Variants in CHST11 observed in about 807,000 individuals in gnomAD.
The protein encoded by CHST11 is C4S-1.
CHST11 carries 9 observed loss-of-function variants against 30.4 expected under a neutral mutation model. That is an observed-to-expected ratio of 0.30 (90% CI 0.18 to 0.52). The LOEUF (loss-of-function observed/expected upper bound fraction) is 0.52, where lower values mean the gene tolerates loss of function less well. Among genes scored for constraint, CHST11 ranks in the 20% least tolerant of loss-of-function variants. The pLI is 0.97. For synonymous variants in CHST11, 152 were observed against 187.8 expected, an observed-to-expected ratio of 0.81 and a Z score of 1.56; for missense variants, 348 against 460.6, an observed-to-expected ratio of 0.76 and a Z score of 2.24.
intron 2 of CHST11, among the ~76,000 whole-genome samples, chr12:104,749,783 G>A (rs531975497): frequency 6.6e-6 from 1 of 152,316 alleles, no homozygotes; most frequent in African/African-American, 2.4e-5. Context: ...GAGCCAGGCT[G>A]TCATCAGAAA....
chr12:104,505,876 TGGG>T (rs974372250), intron 1 of CHST11, among the ~76,000 whole-genome samples: 5 of 152,130 alleles, frequency 3.3e-5, no homozygotes, highest in African/African-American at 1.2e-4. Context: ...TAAGATGAGG[TGGG>T]AGGTGATTGA....
chr12:104,705,241 G>A (rs1272770263), intron 2 of CHST11, among the ~76,000 whole-genome samples: 1 of 152,126 alleles, frequency 6.6e-6, no homozygotes, highest in Non-Finnish European at 1.5e-5. Flanking sequence ...GTCATGGCCT[G>A]GAGGGTTTGG....
At chr12:104,669,589 TC>T (rs2039672273) in intron 2 of CHST11, among the ~76,000 whole-genome samples, 1 of 152,132 alleles carries the variant, frequency 6.6e-6, no homozygotes, top group African/African-American at 2.4e-5. Flanking sequence ...TGTAGAGTGC[TC>T]CCCCTTTCTG....
At chr12:104,596,785 T>C (rs1025442595) in intron 1 of CHST11, among the ~76,000 whole-genome samples, 7 of 152,182 alleles carry the variant, frequency 4.6e-5, no homozygotes, top group African/African-American at 1.7e-4. Context: ...TACGTGGTAG[T>C]TTATTTTGTG....
chr12:104,748,595 G>A (rs780050665), intron 2 of CHST11, among the ~76,000 whole-genome samples: 1 of 137,134 alleles, frequency 7.3e-6, no homozygotes, highest in African/African-American at 2.9e-5. Flanking sequence ...GAGTGGAGTC[G>A]GGGGAGAGAT....
intron 1 of CHST11, among the ~76,000 whole-genome samples, chr12:104,479,402 G>GATTTTTATATTTTGTTTAT (rs2037596525): frequency 6.6e-6 from 1 of 152,132 alleles, no homozygotes; most frequent in Non-Finnish European, 1.5e-5. Context: ...TAAGGGCAGG[G>GATTTTTATATTTTGTTTAT]ATTTTTATAT....
chr12:104,738,037 G>A (rs1031824501), intron 2 of CHST11, among the ~76,000 whole-genome samples: 5 of 152,100 alleles, frequency 3.3e-5, no homozygotes, highest in Non-Finnish European at 7.4e-5. Flanking sequence ...CTTTGCTTTG[G>A]CTCAGAGAAT....
At chr12:104,734,305 A>G (rs1240973913) in intron 2 of CHST11, among the ~76,000 whole-genome samples, 2 of 152,234 alleles carry the variant, frequency 1.3e-5, no homozygotes, top group African/African-American at 4.8e-5. Context: ...CCCAAAATTC[A>G]TCAGAAAGAT....
intron 2 of CHST11, among the ~76,000 whole-genome samples, chr12:104,643,374 C>T (rs182771824): frequency 6.6e-5 from 10 of 152,252 alleles, no homozygotes; most frequent in Admixed American, 6.5e-4. Flanking sequence ...TGTTGCTCCT[C>T]ACCACCCATT....
At chr12:104,559,776 A>T (rs1282979311) in intron 1 of CHST11, among the ~76,000 whole-genome samples, 1 of 152,130 alleles carries the variant, frequency 6.6e-6, no homozygotes, top group Admixed American at 6.5e-5. Flanking sequence ...AAAATAAAAT[A>T]AACACATGCA....
At chr12:104,500,431 C>T (rs2037841745) in intron 1 of CHST11, among the ~76,000 whole-genome samples, 1 of 152,094 alleles carries the variant, frequency 6.6e-6, no homozygotes, top group Non-Finnish European at 1.5e-5. Context: ...ACAAAATGAA[C>T]CAAGGATACT....
Position 104,522,655 on chromosome 12 carries a change from C to T in CHST11, c.118+65126C>T, listed in dbSNP as rs138490698. Among the ~76,000 whole-genome samples the T allele has an allele frequency of 1.9e-3, 292 of 152,008 alleles. 1 individual carries two copies. Among genetic ancestry groups the T allele is most frequent in the African/African-American group, 6.5e-3 (268 of 41,458 alleles). ...TATTTTTTTTCAATATTTTTGTAGACGTGGCGGGTGGAGGGCTGGTCTTGC... is the reference window on the plus strand; with the variant it reads ...TATTTTTTTTCAATATTTTTGTAGATGTGGCGGGTGGAGGGCTGGTCTTGC... On this transcript the variant is annotated intron_variant, in intron 1 of 2. Transcript: ENST00000303694.
At chr12:104,474,888 T>C (rs571978041) in intron 1 of CHST11, among the ~76,000 whole-genome samples, 133 of 152,312 alleles carry the variant, frequency 8.7e-4, no homozygotes, top group African/African-American at 2.9e-3. Flanking sequence ...GGGAAGGTCC[T>C]TGGACGGCGG....
At chr12:104,589,440 A>C (rs919123932) in intron 1 of CHST11, among the ~76,000 whole-genome samples, 1 of 151,794 alleles carries the variant, frequency 6.6e-6, no homozygotes, top group Non-Finnish European at 1.5e-5. Flanking sequence ...TAGAGACAGG[A>C]AATAGAATGG....
chr12:104,588,334 T>G (rs1050510924), intron 1 of CHST11, among the ~76,000 whole-genome samples: 8 of 152,324 alleles, frequency 5.3e-5, no homozygotes, highest in Admixed American at 5.2e-4. Flanking sequence ...TGCACTTCAT[T>G]TGCAATCATC....
At chr12:104,497,314 G>A (rs571574080) in intron 1 of CHST11, among the ~76,000 whole-genome samples, 3 of 152,182 alleles carry the variant, frequency 2.0e-5, no homozygotes, top group South Asian at 4.1e-4. Context: ...TTGGATGCAC[G>A]GAGGCACCAC....
intron 1 of CHST11, among the ~76,000 whole-genome samples, chr12:104,546,390 C>T (rs1208935611): frequency 6.6e-6 from 1 of 151,486 alleles, no homozygotes; most frequent in Non-Finnish European, 1.5e-5. Context: ...ATCGCTTGAG[C>T]CCAGGAGCTC....
intron 1 of CHST11, among the ~76,000 whole-genome samples, chr12:104,474,027 G>T (rs936593064): frequency 6.6e-6 from 1 of 152,016 alleles, no homozygotes; most frequent in Non-Finnish European, 1.5e-5. Flanking sequence ...GATATGCAGC[G>T]TGTTTTAAAG....
intron 2 of CHST11, among the ~76,000 whole-genome samples, chr12:104,625,507 G>A (rs918029905): frequency 6.6e-6 from 1 of 152,156 alleles, no homozygotes; most frequent in African/African-American, 2.4e-5. Context: ...GTTTCACCAT[G>A]TTGGCCAGGC....
Sources: allele counts gnomAD v4.1 joint callset (sites outside exome capture counted in the v4.1 genomes callset), GRCh38; gene constraint gnomAD v4.1.1; transcripts MANE v1.5; gene names NCBI Gene and HGNC (gene_info 2026-07-23, HGNC 2026-07-21).